The following KLRD1 variants were observed in gnomAD, a reference collection of about 807,000 sequenced individuals.
KLRD1 encodes the protein killer cell lectin like receptor D1, also known as natural killer cells antigen CD94.
KLRD1 carries 21 observed loss-of-function variants against 22.6 expected under a neutral mutation model. The observed-to-expected ratio is 0.93, with a 90% confidence interval of 0.66 to 1.34. The LOEUF is 1.34. Ranked by LOEUF, KLRD1 falls within the 40% of genes most tolerant of loss-of-function variation. KLRD1 has a pLI of 0.00. For missense variants in KLRD1, 183 were observed against 208.6 expected (o/e 0.88, Z 0.76); for synonymous variants, 59 against 71.1 (o/e 0.83, Z 0.85).
chr12:10,312,847 C>T (rs529777138), intron 4 of KLRD1, among the ~76,000 whole-genome samples: 55 of 151,170 alleles, frequency 3.6e-4, no homozygotes, highest in Non-Finnish European at 6.9e-4. Context: ...ATTAGCCGGG[C>T]GTGGTGGCGG....
intron 4 of KLRD1, 68 bp downstream of exon 4, chr12:10,311,683 A>G (rs1950075491): frequency 1.3e-6 from 2 of 1,503,298 alleles, no homozygotes; most frequent in Non-Finnish European, 1.8e-6. Flanking sequence ...AACAAGTTAA[A>G]TACTTTGGTT....
In KLRD1 at chr12:10,321,318, G is replaced by T. The variant is rs901602124; in HGVS notation, c.*6525G>T. 1 of 152,172 alleles carries T rather than the reference G, an allele frequency of 6.6e-6. No homozygotes were observed. The highest frequency in any genetic ancestry group is 6.5e-5 in the Admixed American group (1 of 15,282). 9.4% of individuals were successfully genotyped at this position (152,172 alleles called of 1,614,324 possible). On this transcript the variant is annotated 3_prime_UTR_variant, in exon 6 of 6. Transcript: ENST00000336164. ...TCACATGGAGAAAAATGATACTCAA[G>T]AAGCTAAACTTAAGGAACTTCACCT...
chr12:10,284,749 C>T (rs890212408), intron 1 of KLRD1, among the ~76,000 whole-genome samples: 1 of 152,094 alleles, frequency 6.6e-6, no homozygotes, highest in Non-Finnish European at 1.5e-5. Flanking sequence ...CTTTGGGAGG[C>T]CAAGGCGGGC....
At chr12:10,274,020 T>C (rs1949571157) in intron 1 of KLRD1, among the ~76,000 whole-genome samples, 2 of 152,134 alleles carry the variant, frequency 1.3e-5, no homozygotes, top group African/African-American at 4.8e-5. Flanking sequence ...TGGTGGCTCA[T>C]GCTTGTAATC....
chr12:10,248,970 A>G (rs1565447180), intron 1 of KLRD1, among the ~76,000 whole-genome samples: 1 of 152,106 alleles, frequency 6.6e-6, no homozygotes, highest in Non-Finnish European at 1.5e-5. Flanking sequence ...GAACATCATT[A>G]CCATTCTGTT....
intron 1 of KLRD1, among the ~76,000 whole-genome samples, chr12:10,253,200 C>A (rs1338002653): frequency 6.6e-6 from 1 of 152,034 alleles, no homozygotes; most frequent in African/African-American, 2.4e-5. Context: ...GTATTTAAAT[C>A]TCAGTTTTCA....
At chr12:10,300,647 C>T (rs1487505777), upstream of KLRD1, among the ~76,000 whole-genome samples, 1 of 152,238 alleles carries the variant, frequency 6.6e-6, no homozygotes, top group Non-Finnish European at 1.5e-5. Context: ...ATTAGCACCT[C>T]TGAAGAGAGA....
chr12:10,268,095 A>G (rs1034157519), intron 1 of KLRD1, among the ~76,000 whole-genome samples: 2 of 152,222 alleles, frequency 1.3e-5, no homozygotes, highest in African/African-American at 4.8e-5. Flanking sequence ...CTGGAAATCG[A>G]TTAGAAAGAA....
intron 1 of KLRD1, among the ~76,000 whole-genome samples, chr12:10,241,004 T>A (rs1949236537): frequency 6.6e-6 from 1 of 152,178 alleles, no homozygotes; most frequent in Admixed American, 6.5e-5. Context: ...GGTAGATACT[T>A]GGTAAGATTC....
chr12:10,319,370 GT>G lies in KLRD1; in HGVS notation c.*4578del, dbSNP rs1950289126. 1 of 152,180 alleles carries G rather than the reference GT, an allele frequency of 6.6e-6. No homozygotes were observed. Among genetic ancestry groups the G allele is most frequent in the South Asian group, 2.1e-4 (1 of 4,834 alleles). 9.4% of individuals were successfully genotyped at this position (152,180 alleles called of 1,614,324 possible). ...TAAAGGGTGACAATCTACAAATTAT[GT>G]GTTATAGACAAGTTGCAAGATGTTC... On this transcript the variant is annotated 3_prime_UTR_variant, in exon 6 of 6. Coordinates refer to ENST00000336164, the MANE Select transcript of KLRD1 (RefSeq NM_002262.5).
rs1254732082 is a variant in KLRD1, at chr12:10,326,296, C to G, written c.*11503C>G. On this transcript the variant is annotated 3_prime_UTR_variant, in exon 6 of 6. Transcript: ENST00000336164. ...TCCATTGGTTATTTCCTTTGTGAAC[C>G]CTGAAAATTTGAGACAGGTCTCAGT... The G allele has an allele frequency of 6.6e-6, 1 of 152,010 alleles. No individual in the cohort carries two copies. The highest frequency in any genetic ancestry group is 2.4e-5 in the African/African-American group (1 of 41,364). The allele number at this position is 152,010 out of a possible 1,614,324, so 9.4% of individuals were successfully genotyped here. A position where few individuals can be genotyped will look rare whatever the true frequency, so the allele number is the denominator to read the frequency against.
intron 1 of KLRD1, among the ~76,000 whole-genome samples, chr12:10,241,978 A>G (rs1949245380): frequency 6.7e-6 from 1 of 150,234 alleles, no homozygotes; most frequent in African/African-American, 2.4e-5. Flanking sequence ...GAGTTGCTGT[A>G]TTCTTATAGG....
chr12:10,277,751 T>C lies in KLRD1; in HGVS notation c.-100-30227T>C, dbSNP rs1949605037. On this transcript the variant is annotated intron_variant, in intron 1 of 5. Coordinates refer to the KLRD1 transcript ENST00000544747. ...TATTTATTTTATGATATTACTTCAA[T>C]TAGTCCCTCTGATTTTTAAAAATTA... 2.6e-5 allele frequency among the ~76,000 whole-genome samples: 4 copies of C among 152,230 alleles called. No individual in the cohort carries two copies. In the South Asian group the frequency reaches 8.3e-4, roughly 32 times the overall value.
upstream of KLRD1, among the ~76,000 whole-genome samples, chr12:10,299,898 A>G (rs1033921930): frequency 2.0e-5 from 3 of 152,194 alleles, no homozygotes; most frequent in African/African-American, 7.2e-5. Context: ...TTCCATCCCA[A>G]GAAACACTTT....
chr12:10,281,766 T>A (rs1177713116), intron 1 of KLRD1, among the ~76,000 whole-genome samples: 1 of 152,196 alleles, frequency 6.6e-6, no homozygotes, highest in Non-Finnish European at 1.5e-5. Flanking sequence ...AATGACACAT[T>A]CCCGTGACTG....
upstream of KLRD1, among the ~76,000 whole-genome samples, chr12:10,303,900 T>A (rs1011381430): frequency 6.6e-6 from 1 of 152,200 alleles, no homozygotes; most frequent in Non-Finnish European, 1.5e-5. Context: ...AAAGTCTGTT[T>A]AAGTAAAACA....
intron 1 of KLRD1, among the ~76,000 whole-genome samples, chr12:10,257,142 T>TTCTTTTC (rs1555101688): frequency 9.6e-6 from 1 of 103,948 alleles, no homozygotes; most frequent in Non-Finnish European, 2.1e-5. Context: ...TTCTTTTCTT[T>TTCTTTTC]TTTTTTTTTT....
intron 1 of KLRD1, among the ~76,000 whole-genome samples, chr12:10,246,908 T>G (rs1409966395): frequency 7.1e-6 from 1 of 141,300 alleles, no homozygotes; most frequent in African/African-American, 2.6e-5. Flanking sequence ...GGAATTTCTT[T>G]TTTCTTTTTC....
intron 1 of KLRD1, among the ~76,000 whole-genome samples, chr12:10,284,163 G>A (rs1403361692): frequency 2.0e-5 from 3 of 152,056 alleles, no homozygotes; most frequent in Non-Finnish European, 4.4e-5. Flanking sequence ...TCCAGCCTGG[G>A]TGACAAGAGT....
Sources: allele counts gnomAD v4.1 joint callset (sites outside exome capture counted in the v4.1 genomes callset), GRCh38; gene constraint gnomAD v4.1.1; transcripts MANE v1.5; gene names NCBI Gene and HGNC (gene_info 2026-07-23, HGNC 2026-07-21).